GRM7: variants seen among roughly 807,000 people sequenced by gnomAD.
GRM7 encodes glutamate metabotropic receptor 7.
In GRM7, 35 loss-of-function variants were observed where a neutral mutation model predicts 84.5. The observed-to-expected ratio is 0.41, with a 90% CI of 0.32 to 0.55. The LOEUF (loss-of-function observed/expected upper bound fraction) is 0.55, where lower values mean the gene tolerates loss of function less well. GRM7 is among the 20% of genes least tolerant of loss of function. The pLI, the probability that GRM7 is intolerant of heterozygous loss-of-function variation, is 0.19. For synonymous variants in GRM7, 487 were observed against 455.1 expected (o/e 1.07, Z -0.89); for missense variants, 1,003 against 1,194.6 (o/e 0.84, Z 2.36).
At chr3:7,403,655 A>ATATG in intron 4 of GRM7, among the ~76,000 whole-genome samples, 1 of 146,146 alleles carries the variant, frequency 6.8e-6, no homozygotes, top group South Asian at 2.2e-4. Flanking sequence ...ATATATGTAC[A>ATATG]TACACACACA....
intron 1 of GRM7, among the ~76,000 whole-genome samples, chr3:6,883,272 TATA>T (rs1695579029): frequency 6.6e-6 from 1 of 152,098 alleles, no homozygotes; most frequent in Admixed American, 6.5e-5. Flanking sequence ...TTTTATATAT[TATA>T]ATGTTTATTA....
At chr3:7,421,153 C>T (rs1003357912) in intron 5 of GRM7, among the ~76,000 whole-genome samples, 3 of 152,232 alleles carry the variant, frequency 2.0e-5, no homozygotes, top group South Asian at 2.1e-4. Flanking sequence ...GAAAGTTTAT[C>T]TTCTTGTATT....
At chr3:6,866,728 A>C (rs1181720359) in intron 1 of GRM7, among the ~76,000 whole-genome samples, 1 of 152,166 alleles carries the variant, frequency 6.6e-6, no homozygotes, top group Non-Finnish European at 1.5e-5. Context: ...CATCTTGCAA[A>C]AATATCAGAC....
At chr3:7,104,091 G>A (rs1699216704) in intron 1 of GRM7, among the ~76,000 whole-genome samples, 1 of 151,356 alleles carries the variant, frequency 6.6e-6, no homozygotes, top group Non-Finnish European at 1.5e-5. Flanking sequence ...CATGAGGGTA[G>A]TCGTCTTATG....
At chr3:7,446,996 AT>A (rs3840247) in intron 5 of GRM7, among the ~76,000 whole-genome samples, 54,410 of 151,576 alleles carry the variant, frequency 0.36, 11,016 homozygotes, top group Non-Finnish European at 0.48. Flanking sequence ...GCAACTGACA[AT>A]TTATTCAACA....
chr3:6,979,273 A>G (rs543663695), intron 1 of GRM7, among the ~76,000 whole-genome samples: 31 of 152,240 alleles, frequency 2.0e-4, no homozygotes, highest in African/African-American at 7.0e-4. Context: ...ATCTCAAGCC[A>G]CGCTACATTC....
At chr3:7,540,512 G>A (rs1692813351) in intron 7 of GRM7, among the ~76,000 whole-genome samples, 1 of 152,138 alleles carries the variant, frequency 6.6e-6, no homozygotes, top group Admixed American at 6.5e-5. Context: ...CATATAAAAT[G>A]TCCAAATAGG....
At chr3:7,318,754 A>T (rs553382197) in intron 4 of GRM7, among the ~76,000 whole-genome samples, 67 of 152,182 alleles carry the variant, frequency 4.4e-4, no homozygotes, top group African/African-American at 1.3e-3. Flanking sequence ...TTAAGTAGAA[A>T]CTGTTTTTTC....
rs1161216531 is a variant in GRM7, at chr3:7,123,545, GGAGGCGGAGGTTGCAGTGAAC to G, written c.520-22906_520-22886del. On this transcript the variant is annotated intron_variant, in intron 1 of 9. Transcript: ENST00000357716. ...GAGGCAGGAGAATCGCTTGAACCCA[GGAGGCGGAGGTTGCAGTGAAC>G]TGAGATTGCCCCACTGTACTCCAGC... Among the ~76,000 whole-genome samples, 18 of 152,202 alleles carry G rather than the reference GGAGGCGGAGGTTGCAGTGAAC, an allele frequency of 1.2e-4. 1 individual carries two copies. The highest frequency in any genetic ancestry group is 1.0e-3 in the Admixed American group (16 of 15,286).
intron 1 of GRM7, among the ~76,000 whole-genome samples, chr3:7,113,046 A>AT (rs1281009914): frequency 6.6e-6 from 1 of 152,162 alleles, no homozygotes; most frequent in Non-Finnish European, 1.5e-5. Flanking sequence ...ACATAGACTG[A>AT]TGATTCCAAG....
intron 1 of GRM7, among the ~76,000 whole-genome samples, chr3:7,019,885 C>T (rs2124909649): frequency 6.6e-6 from 1 of 152,306 alleles, no homozygotes; most frequent in African/African-American, 2.4e-5. Context: ...TTTAGAGCAC[C>T]TACTATATGG....
intron 1 of GRM7, among the ~76,000 whole-genome samples, chr3:6,931,059 A>G (rs234998): frequency 0.22 from 32,836 of 152,102 alleles, 3,705 homozygotes; most frequent in East Asian, 0.33. Context: ...CTTTGTATCC[A>G]TTTATATTGT....
At chr3:7,432,264 G>A (rs1696860675) in intron 5 of GRM7, among the ~76,000 whole-genome samples, 1 of 152,210 alleles carries the variant, frequency 6.6e-6, no homozygotes, top group African/African-American at 2.4e-5. Context: ...AACACTAGGA[G>A]TGAACGCCAG....
chr3:7,656,539 ACGCGCG>A (rs138474954), intron 8 of GRM7, among the ~76,000 whole-genome samples: 4 of 67,692 alleles, frequency 5.9e-5, no homozygotes, highest in African/African-American at 1.7e-4. Flanking sequence ...ATATATATAT[ACGCGCG>A]CGCACACACA....
rs945352655 is a variant in GRM7, at chr3:7,421,918, A to G, written c.1174+6755A>G. On this transcript the variant is annotated intron_variant, in intron 5 of 9. Transcript: ENST00000357716. The stretch of plus-strand genomic sequence containing the variant: ...CAAGACCCTGTCTCTACAAACAGTA[A>G]AAAAAAAAAAAAAAAAAAAAAAATA... Among the ~76,000 whole-genome samples, 67 of 86,328 alleles carry G rather than the reference A, an allele frequency of 7.8e-4. 1 individual carries two copies. Among genetic ancestry groups the G allele is most frequent in the Admixed American group, 5.6e-4 (5 of 8,912 alleles). The allele number at this position is 86,328 out of a possible 152,430, so 56.6% of individuals were successfully genotyped here.
At chr3:7,542,551 A>AT (rs35372177) in intron 7 of GRM7, among the ~76,000 whole-genome samples, 7,544 of 136,656 alleles carry the variant, frequency 0.055, 522 homozygotes, top group African/African-American at 0.15. Flanking sequence ...ATGCATAGCA[A>AT]TTTTTTTTTT....
intron 8 of GRM7, among the ~76,000 whole-genome samples, chr3:7,677,366 C>T (rs1700176738): frequency 6.7e-6 from 1 of 150,220 alleles, no homozygotes; most frequent in African/African-American, 2.4e-5. Flanking sequence ...ATTTAACCAT[C>T]AAGCAAGACA....
intron 1 of GRM7, among the ~76,000 whole-genome samples, chr3:7,089,722 A>G (rs962577403): frequency 2.0e-5 from 3 of 152,224 alleles, no homozygotes; most frequent in African/African-American, 7.2e-5. Flanking sequence ...TTTAGTTGTC[A>G]AAGAGAAAGA....
intron 4 of GRM7, among the ~76,000 whole-genome samples, chr3:7,345,485 C>T (rs906353608): frequency 3.3e-5 from 5 of 151,822 alleles, no homozygotes; most frequent in African/African-American, 4.8e-5. Context: ...GGTTTCATCA[C>T]GTTGGCCAGG....
Sources: gnomAD v4.1 joint callset for allele counts (sites outside exome capture counted in the v4.1 genomes callset) on GRCh38, gnomAD v4.1.1 for gene constraint, MANE v1.5 for transcripts, NCBI Gene and HGNC (gene_info 2026-07-23, HGNC 2026-07-21) for gene names.